The following SPIDR variants were observed in gnomAD, a reference collection of about 807,000 sequenced individuals.
The protein encoded by SPIDR is scaffold protein involved in DNA repair.
Under a neutral mutation model 104.6 loss-of-function variants are expected in SPIDR, and 93 were observed. The observed-to-expected ratio is 0.89, with a 90% CI of 0.75 to 1.06. SPIDR has a LOEUF of 1.06. Ranked by LOEUF, SPIDR falls within the 50% of genes least tolerant of loss-of-function variation. The probability of loss-of-function intolerance (pLI) is 0.00; values close to 1 mark genes in which losing one functional copy is unlikely to be tolerated. For synonymous variants in SPIDR, 431 were observed against 416.9 expected (o/e 1.03, Z -0.41); for missense variants, 1,154 against 1,111.2 (o/e 1.04, Z -0.55).
At chr8:47,433,678 A>T (rs2067761608) in intron 7 of SPIDR, among the ~76,000 whole-genome samples, 1 of 152,244 alleles carries the variant, frequency 6.6e-6, no homozygotes, top group African/African-American at 2.4e-5. Context: ...AGATATTCTC[A>T]TTTAAATGCA....
chr8:47,356,050 G>A (rs548298196), intron 5 of SPIDR, among the ~76,000 whole-genome samples: 2 of 152,282 alleles, frequency 1.3e-5, no homozygotes, highest in South Asian at 4.1e-4. Flanking sequence ...TCATGAATGA[G>A]TGAGTGAATG....
Position 47,535,699 on chromosome 8 carries a change from TAGTC to T in SPIDR, c.1098-60109_1098-60106del, listed in dbSNP as rs764917810. On this transcript the variant is annotated intron_variant, in intron 8 of 19. Coordinates refer to ENST00000297423, the MANE Select transcript of SPIDR (RefSeq NM_001080394.4). ...CCCATTTTTTGATGTTAAAAAAAAATAGTCAGCAAACTAGCAATAGAAGACACAT... is the reference window on the plus strand; with the variant it reads ...CCCATTTTTTGATGTTAAAAAAAAATAGCAAACTAGCAATAGAAGACACAT... Among the ~76,000 whole-genome samples, 100 of 151,992 alleles carry T rather than the reference TAGTC, an allele frequency of 6.6e-4. 1 individual carries two copies. Among genetic ancestry groups the T allele is most frequent in the Middle Eastern group, 6.8e-3 (2 of 294 alleles).
intron 12 of SPIDR, among the ~76,000 whole-genome samples, chr8:47,701,377 A>G (rs2080158061): frequency 6.6e-6 from 1 of 152,220 alleles, no homozygotes; most frequent in Non-Finnish European, 1.5e-5. Context: ...CGTTGTAGTG[A>G]GCCAAGATCG....
chr8:47,500,216 A>G (rs930623783), intron 8 of SPIDR, among the ~76,000 whole-genome samples: 3 of 152,202 alleles, frequency 2.0e-5, no homozygotes, highest in Non-Finnish European at 2.9e-5. Context: ...AGGAATCGCC[A>G]CACTGACTTC....
intron 10 of SPIDR, among the ~76,000 whole-genome samples, chr8:47,669,715 A>C (rs1484988331): frequency 6.6e-6 from 1 of 152,144 alleles, no homozygotes; most frequent in South Asian, 2.1e-4. Context: ...TAAAAAAATA[A>C]CACAGGCCGG....
At chr8:47,548,052 ATTTTTT>A (rs926440198) in intron 8 of SPIDR, 1 of 151,220 alleles carries the variant, frequency 6.6e-6, no homozygotes, top group South Asian at 2.1e-4. Flanking sequence ...AGTTTAATGT[ATTTTTT>A]TTTAATTTCC....
At chr8:47,655,360 G>A (rs560019851) in intron 10 of SPIDR, among the ~76,000 whole-genome samples, 31 of 152,218 alleles carry the variant, frequency 2.0e-4, no homozygotes, top group Admixed American at 2.6e-4. Flanking sequence ...AACTGTTCCT[G>A]TTTCTCCACA....
chr8:47,552,671 GTCTC>G (rs1364957984), intron 8 of SPIDR, among the ~76,000 whole-genome samples: 1 of 152,066 alleles, frequency 6.6e-6, no homozygotes, highest in African/African-American at 2.4e-5. Flanking sequence ...TGTGAGATGG[GTCTC>G]CTGAACACAG....
intron 7 of SPIDR, among the ~76,000 whole-genome samples, chr8:47,416,112 C>CA (rs2064235105): frequency 6.6e-6 from 1 of 152,156 alleles, no homozygotes; most frequent in Non-Finnish European, 1.5e-5. Context: ...GGTGTGGTGG[C>CA]AGGCGCCTGT....
intron 5 of SPIDR, among the ~76,000 whole-genome samples, chr8:47,369,521 T>G (rs1554637245): frequency 9.2e-5 from 14 of 152,202 alleles, no homozygotes. Context: ...ACTGCCCTCT[T>G]TGGCCACTTC....
At chr8:47,516,614 T>C (rs887077992) in intron 8 of SPIDR, among the ~76,000 whole-genome samples, 1 of 152,244 alleles carries the variant, frequency 6.6e-6, no homozygotes, top group Admixed American at 6.5e-5. Flanking sequence ...CTTCCTTTTT[T>C]AAGGCTGAAT....
intron 11 of SPIDR, among the ~76,000 whole-genome samples, chr8:47,695,899 GA>G (rs1253770720): frequency 1.1e-4 from 17 of 152,286 alleles, no homozygotes; most frequent in African/African-American, 4.1e-4. Flanking sequence ...AGTGAGGTGG[GA>G]ACCCTGCTTC....
At chr8:47,709,686 G>T (rs1319136389) in intron 14 of SPIDR, among the ~76,000 whole-genome samples, 1 of 152,162 alleles carries the variant, frequency 6.6e-6, no homozygotes, top group African/African-American at 2.4e-5. Flanking sequence ...TACTGACTTT[G>T]TTCATAACCC....
intron 7 of SPIDR, among the ~76,000 whole-genome samples, chr8:47,428,413 T>G (rs2066791353): frequency 1.3e-5 from 2 of 152,192 alleles, no homozygotes; most frequent in African/African-American, 2.4e-5. Flanking sequence ...GTTGGTAAAA[T>G]AAGATCCCTT....
intron 8 of SPIDR, among the ~76,000 whole-genome samples, chr8:47,560,156 G>A (rs966556232): frequency 3.9e-5 from 6 of 152,198 alleles, no homozygotes; most frequent in Non-Finnish European, 7.3e-5. Flanking sequence ...ACTATGAGAT[G>A]CAACTGTCAG....
chr8:47,699,953 ACTCAGAT>A (rs2079907831), intron 11 of SPIDR, among the ~76,000 whole-genome samples: 1 of 152,204 alleles, frequency 6.6e-6, no homozygotes, highest in African/African-American at 2.4e-5. Flanking sequence ...TCCAAACTCT[ACTCAGAT>A]AACCACTAAA....
rs142006182 is a variant in SPIDR, at chr8:47,401,878, A to G, written c.776+5252A>G. 4.6e-3 allele frequency among the ~76,000 whole-genome samples: 694 copies of G among 152,322 alleles called. 1 individual carries two copies. Among genetic ancestry groups the G allele is most frequent in the African/African-American group, 0.013 (525 of 41,568 alleles). On this transcript the variant is annotated intron_variant, in intron 6 of 19. Transcript: ENST00000297423. ...AAAGAGACTTAGACTCCCACACAGT[A>G]ATAATGGGAGACTTGTACACCCCAC...
At chr8:47,380,820 A>G (rs1277882156) in intron 5 of SPIDR, among the ~76,000 whole-genome samples, 4 of 152,136 alleles carry the variant, frequency 2.6e-5, no homozygotes, top group African/African-American at 9.7e-5. Context: ...GAAAACCTGT[A>G]GCTTTTGTTT....
At chr8:47,723,295 T>C (rs1186149504) in intron 16 of SPIDR, among the ~76,000 whole-genome samples, 2 of 152,200 alleles carry the variant, frequency 1.3e-5, no homozygotes, top group East Asian at 3.8e-4. Context: ...TGAGATAATA[T>C]CAACTGTATT....
Sources: allele counts gnomAD v4.1 joint callset (sites outside exome capture counted in the v4.1 genomes callset), GRCh38; gene constraint gnomAD v4.1.1; transcripts MANE v1.5; gene names NCBI Gene and HGNC (gene_info 2026-07-23, HGNC 2026-07-21).